The following ALX1 variants were observed in gnomAD, a reference collection of about 807,000 sequenced individuals.
The protein encoded by ALX1 is ALX homeobox 1.
A neutral mutation model predicts 31.7 loss-of-function variants in ALX1; 19 were observed. The ratio of observed to expected loss-of-function variants is 0.60; its 90% CI spans 0.42 to 0.88. The LOEUF is 0.88. ALX1 is among the 40% of genes least tolerant of loss of function. ALX1 has a pLI of 0.00. For synonymous variants in ALX1, 153 were observed against 148.8 expected (o/e 1.03, Z -0.20); for missense variants, 415 against 407.8 (o/e 1.02, Z -0.15).
intron 2 of ALX1, among the ~76,000 whole-genome samples, chr12:85,285,504 T>A (rs1476392566): frequency 1.3e-5 from 2 of 152,178 alleles, no homozygotes; most frequent in East Asian, 3.9e-4. Context: ...AATATGCATT[T>A]ATCAGCAGTG....
rs1432369243 is a variant in ALX1 at position 85,301,285 on chromosome 12, G to A, written c.791G>A (p.Gly264Glu). The A allele has an allele frequency of 6.2e-7, 1 of 1,613,920 alleles. No homozygotes were observed. The highest frequency in any genetic ancestry group is 1.7e-5 in the Admixed American group (1 of 59,946). The stretch of plus-strand genomic sequence containing the variant: ...CCTCGGACAGATTCCAGTTACACGG[G>A]GTTTTCAAACCACCAGAACCAGTTC... ...HSPRTDSSYT[G>E]FSNHQNQFSH... Residue 264 changes from glycine (G) to glutamate (E), a missense_variant, in exon 4 of 4, where the codon GGG becomes GAG. By Grantham distance (98) the Gly-to-Glu change is moderately conservative. Coordinates refer to ENST00000316824, the MANE Select transcript of ALX1 (RefSeq NM_006982.3).
intron 3 of ALX1, among the ~76,000 whole-genome samples, chr12:85,288,911 A>G (rs1896782831): frequency 6.6e-6 from 1 of 151,460 alleles, no homozygotes; most frequent in African/African-American, 2.4e-5. Context: ...AACAATAAAA[A>G]TATAGGTGAA....
intron 2 of ALX1, among the ~76,000 whole-genome samples, chr12:85,285,855 A>G (rs1011199430): frequency 6.6e-6 from 1 of 151,952 alleles, no homozygotes; most frequent in African/African-American, 2.4e-5. Flanking sequence ...CCAAGTATAT[A>G]TATTGAATAT....
intron 3 of ALX1, among the ~76,000 whole-genome samples, chr12:85,291,118 G>GTTGTTAATTTGTTGTTAAC (rs1896812476): frequency 6.6e-6 from 1 of 151,050 alleles, no homozygotes; most frequent in Non-Finnish European, 1.5e-5. Flanking sequence ...TTATTAACCA[G>GTTGTTAATTTGTTGTTAAC]TTTTGTGATA....
chr12:85,294,958 A>T (rs1027889070), intron 3 of ALX1, among the ~76,000 whole-genome samples: 1 of 151,414 alleles, frequency 6.6e-6, no homozygotes, highest in African/African-American at 2.4e-5. Context: ...GTACTTTAAG[A>T]ATGTTTAAAA....
intron 3 of ALX1, among the ~76,000 whole-genome samples, chr12:85,295,781 G>A (rs1191065947): frequency 1.3e-5 from 2 of 151,496 alleles, no homozygotes; most frequent in African/African-American, 4.8e-5. Context: ...GATGTTGGTG[G>A]CAGGAGATAG....
At chr12:85,300,989 A>T (rs538046232) in intron 3 of ALX1, among the ~76,000 whole-genome samples, 166 bp from the exon 4 acceptor site, 1 of 152,224 alleles carries the variant, frequency 6.6e-6, no homozygotes, top group South Asian at 2.1e-4. Context: ...AACTAGAAGG[A>T]TCTCTCAAGT....
intron 3 of ALX1, among the ~76,000 whole-genome samples, chr12:85,295,682 A>C (rs1474883293): frequency 6.6e-6 from 1 of 151,452 alleles, no homozygotes; most frequent in Non-Finnish European, 1.5e-5. Flanking sequence ...GTGTGTGAGC[A>C]TGTGATGCGA....
intron 1 of ALX1, among the ~76,000 whole-genome samples, chr12:85,282,424 C>T (rs1453887716): frequency 2.6e-5 from 4 of 151,766 alleles, no homozygotes; most frequent in Non-Finnish European, 5.9e-5. Flanking sequence ...CATTGAAATG[C>T]ACAGTACTCA....
intron 3 of ALX1, among the ~76,000 whole-genome samples, chr12:85,297,264 T>A (rs1896901532): frequency 6.6e-6 from 1 of 151,660 alleles, no homozygotes; most frequent in Non-Finnish European, 1.5e-5. Context: ...GATATTCTGG[T>A]GTAAATGCTA....
intron 3 of ALX1, among the ~76,000 whole-genome samples, chr12:85,291,014 T>C (rs973440623): frequency 1.3e-5 from 2 of 151,186 alleles, no homozygotes; most frequent in African/African-American, 4.8e-5. Flanking sequence ...TAGATATGAG[T>C]AATAGTACAG....
Position 85,283,865 on chromosome 12 carries a change from G to T in ALX1, c.520G>T (p.Ala174Ser), listed in dbSNP as rs1437884742. The T allele has an allele frequency of 6.2e-7, 1 of 1,613,930 alleles. No homozygotes were observed. Among genetic ancestry groups the T allele is most frequent in the Non-Finnish European group, 8.5e-7 (1 of 1,179,980 alleles). ...QLALRTELTE[A>S]RVQVWFQNRR... The stretch of plus-strand genomic sequence containing the variant: ...TGCTCTGAGGACAGAGCTCACTGAG[G>T]CCAGGGTCCAGGTAGGAGCCAAAAA... Residue 174 changes from alanine to serine, a missense_variant, in exon 2 of 4, where the codon GCC (alanine) becomes TCC (serine). By Grantham distance (99) the Ala-to-Ser change is moderately conservative. Transcript: ENST00000316824.
intron 3 of ALX1, among the ~76,000 whole-genome samples, chr12:85,295,715 G>A (rs1384197600): frequency 6.6e-6 from 1 of 151,494 alleles, no homozygotes; most frequent in African/African-American, 2.4e-5. Flanking sequence ...TGTGCACATG[G>A]AGTGTGTGTG....
At chr12:85,300,929 A>G (rs1177108058) in intron 3 of ALX1, among the ~76,000 whole-genome samples, 1 of 152,122 alleles carries the variant, frequency 6.6e-6, no homozygotes, top group Admixed American at 6.6e-5. Context: ...GTTTGAGAGT[A>G]CGTTATGTGG....
chr12:85,300,682 C>T (rs988834224), intron 3 of ALX1, among the ~76,000 whole-genome samples: 1 of 152,062 alleles, frequency 6.6e-6, no homozygotes, highest in Admixed American at 6.6e-5. Flanking sequence ...CTTTGCAGAA[C>T]AGTCTATTGT....
chr12:85,285,572 G>A (rs1444950437), intron 2 of ALX1, among the ~76,000 whole-genome samples: 1 of 151,892 alleles, frequency 6.6e-6, no homozygotes, highest in Non-Finnish European at 1.5e-5. Context: ...TGAAAACTCT[G>A]CAAAGTGCCA....
intron 3 of ALX1, among the ~76,000 whole-genome samples, chr12:85,294,564 T>C (rs1896861639): frequency 6.6e-6 from 1 of 151,184 alleles, no homozygotes; most frequent in African/African-American, 2.4e-5. Context: ...TTTATGTTCT[T>C]ATATCTTGGA....
At chr12:85,282,897 T>TA (rs112890587) in intron 1 of ALX1, among the ~76,000 whole-genome samples, 22,857 of 146,154 alleles carry the variant, frequency 0.16, 3,432 homozygotes, top group African/African-American at 0.4. Context: ...AGTTTTTAGG[T>TA]AAAAAAAAAA....
intron 2 of ALX1, among the ~76,000 whole-genome samples, chr12:85,286,578 C>T (rs1477335517): frequency 1.3e-5 from 2 of 151,740 alleles, no homozygotes; most frequent in Non-Finnish European, 2.9e-5. Flanking sequence ...TTTTGTTTTC[C>T]ATAAATGAGA....
Sources: allele counts gnomAD v4.1 joint callset (sites outside exome capture counted in the v4.1 genomes callset), GRCh38; gene constraint gnomAD v4.1.1; transcripts MANE v1.5; gene names NCBI Gene and HGNC (gene_info 2026-07-23, HGNC 2026-07-21).